Variants in OPRM1 observed in about 807,000 individuals in gnomAD.
OPRM1 encodes the protein mu-type opioid receptor.
OPRM1 carries 27 observed loss-of-function variants against 31.8 expected under a neutral mutation model. That is an observed-to-expected ratio of 0.85 (90% CI 0.63 to 1.17). The LOEUF (loss-of-function observed/expected upper bound fraction) is 1.17. Among genes scored for constraint, OPRM1 ranks in the 50% most tolerant of loss-of-function variants. The pLI, the probability that OPRM1 is intolerant of heterozygous loss-of-function variation, is 0.00. For missense variants in OPRM1, 536 were observed against 511.1 expected (o/e 1.05, Z -0.47); for synonymous variants, 196 against 189.9 (o/e 1.03, Z -0.26).
At chr6:154,179,254 G>A (rs1202534774) in intron 3 of OPRM1, among the ~76,000 whole-genome samples, 2 of 152,164 alleles carry the variant, frequency 1.3e-5, no homozygotes, top group Admixed American at 1.3e-4. Flanking sequence ...GCTATACTAA[G>A]ACTACAGCAG....
intron 1 of OPRM1, among the ~76,000 whole-genome samples, chr6:154,045,098 T>C (rs1018158647): frequency 6.6e-6 from 1 of 152,022 alleles, no homozygotes; most frequent in Non-Finnish European, 1.5e-5. Context: ...GGGTGGCGCA[T>C]GCTTGTAATC....
intron 1 of OPRM1, among the ~76,000 whole-genome samples, chr6:154,028,923 T>C (rs1440317534): frequency 6.6e-6 from 1 of 152,202 alleles, no homozygotes; most frequent in Non-Finnish European, 1.5e-5. Flanking sequence ...TAAAACCAAG[T>C]GCTGTGAGTG....
intron 3 of OPRM1, among the ~76,000 whole-genome samples, chr6:154,206,173 A>C (rs1338091074): frequency 6.6e-6 from 1 of 152,350 alleles, no homozygotes; most frequent in East Asian, 1.9e-4. Flanking sequence ...TATCCCATAA[A>C]GAATATTCTT....
rs1797198138 is a variant in OPRM1 at position 154,119,702 on chromosome 6, G to A, written c.*981G>A. Among the ~76,000 whole-genome samples, 1 of 152,118 alleles carries A rather than the reference G, an allele frequency of 6.6e-6. No homozygotes were observed. Among genetic ancestry groups the A allele is most frequent in the South Asian group, 2.1e-4 (1 of 4,830 alleles). Reference sequence around the variant, plus strand: ...GATGTTTTTGTTGATTGCCAGAACAGTTTAAACTTTTTTTAAACAATAAAT... The same window carrying A: ...GATGTTTTTGTTGATTGCCAGAACAATTTAAACTTTTTTTAAACAATAAAT... On this transcript the variant is annotated 3_prime_UTR_variant, in exon 4 of 4. Transcript: ENST00000330432.
At chr6:154,117,898 A>G (rs9397176) in intron 3 of OPRM1, among the ~76,000 whole-genome samples, 2 of 86,646 alleles carry the variant, frequency 2.3e-5, no homozygotes, top group Non-Finnish European at 5.3e-5. Flanking sequence ...TATGAGAGAG[A>G]AAAAAAGAGA....
At chr6:154,203,867 G>C (rs1777272060) in intron 3 of OPRM1, among the ~76,000 whole-genome samples, 1 of 152,194 alleles carries the variant, frequency 6.6e-6, no homozygotes. Flanking sequence ...CTCTGGGGGA[G>C]GAGCTCCCTG....
intron 1 of OPRM1, among the ~76,000 whole-genome samples, chr6:154,080,259 T>G (rs1788794191): frequency 1.3e-5 from 2 of 152,212 alleles, no homozygotes; most frequent in Admixed American, 6.5e-5. Context: ...GTGATTTCAC[T>G]TACAAACATA....
intron 3 of OPRM1, among the ~76,000 whole-genome samples, chr6:154,192,318 C>CCGTGTGTGTG (rs1554291318): frequency 6.8e-6 from 1 of 148,030 alleles, no homozygotes; most frequent in African/African-American, 2.5e-5. Flanking sequence ...CACGTGGTTA[C>CCGTGTGTGTG]TGTGTGTGTG....
intron 1 of OPRM1, among the ~76,000 whole-genome samples, chr6:154,084,737 AG>A (rs1790086505): frequency 6.6e-6 from 1 of 152,204 alleles, no homozygotes; most frequent in Non-Finnish European, 1.5e-5. Context: ...AACATATAAA[AG>A]GGGCTTGTTG....
chr6:154,163,385 T>C (rs1799179053), intron 3 of OPRM1, among the ~76,000 whole-genome samples: 2 of 152,212 alleles, frequency 1.3e-5, no homozygotes, highest in Admixed American at 1.3e-4. Flanking sequence ...CTTTTTCAGA[T>C]TTTACACAAA....
At position 154,127,409 on chromosome 6, in the gene OPRM1, AG is replaced by A. The variant is rs1562496065; in HGVS notation, c.*8693del. On this transcript the variant is annotated 3_prime_UTR_variant, in exon 4 of 4. Coordinates refer to ENST00000330432, the MANE Select transcript of OPRM1 (RefSeq NM_000914.5). ...CTACTCTTCAAGGGTTTAGGGGCTT[AG>A]GGGGAGGTTTTGTTTGGGTTTTTTG... Among the ~76,000 whole-genome samples, 1 of 152,158 alleles carries A rather than the reference AG, an allele frequency of 6.6e-6. No individual in the cohort carries two copies. Among genetic ancestry groups the A allele is most frequent in the African/African-American group, 2.4e-5 (1 of 41,432 alleles).
Position 154,179,806 on chromosome 6 carries a change from C to T in OPRM1, c.1165-66887C>T, listed in dbSNP as rs139984346. On this transcript the variant is annotated intron_variant, in intron 3 of 3. Transcript: ENST00000337049. The stretch of plus-strand genomic sequence containing the variant: ...TAAGAATAAAAGTTCACTTTCACAC[C>T]GTGCAGAATCATGCCCTTCTAGACC... Among the ~76,000 whole-genome samples the T allele has an allele frequency of 6.2e-4, 95 of 152,252 alleles. 2 individuals are homozygous for T. In the East Asian group the frequency reaches 0.011, roughly 18 times the overall value.
upstream of OPRM1, among the ~76,000 whole-genome samples, chr6:154,037,936 C>T (rs575291753): frequency 1.5e-4 from 23 of 152,176 alleles, no homozygotes; most frequent in East Asian, 4.0e-3. Flanking sequence ...CAGATTTCAG[C>T]TCAATATAAG....
rs1039517236 is a variant in OPRM1, at chr6:154,126,750, G to C, written c.*8029G>C. Among the ~76,000 whole-genome samples, 1 of 152,098 alleles carries C rather than the reference G, an allele frequency of 6.6e-6. No individual in the cohort carries two copies. Among genetic ancestry groups the C allele is most frequent in the African/African-American group, 2.4e-5 (1 of 41,408 alleles). ...GTACAGCCTTCAGTAATGCCTCAAA[G>C]GTTCTCCAAGCAGAGGTAAACATGT... On this transcript the variant is annotated 3_prime_UTR_variant, in exon 4 of 4. Transcript: ENST00000330432.
At position 154,039,426 on chromosome 6, in the gene OPRM1, G is replaced by T; in HGVS notation, c.-119G>T. The T allele has an allele frequency of 6.4e-7, 1 of 1,551,298 alleles. No individual in the cohort carries two copies. Among genetic ancestry groups the T allele is most frequent in the East Asian group, 2.4e-5 (1 of 40,904 alleles). The stretch of plus-strand genomic sequence containing the variant: ...TCTGTCTCAGCCAGGACTGGTTTCT[G>T]TAAGAAACAGCAGGAGCTGTGGCAG... On this transcript the variant is annotated 5_prime_UTR_variant, in exon 1 of 4. Transcript: ENST00000330432.
At chr6:154,084,605 T>G (rs907110919) in intron 1 of OPRM1, among the ~76,000 whole-genome samples, 3 of 152,194 alleles carry the variant, frequency 2.0e-5, no homozygotes. Flanking sequence ...ATATGAGTAT[T>G]AAAGTATGAC....
chr6:154,062,684 T>A (rs1379462143), intron 1 of OPRM1, among the ~76,000 whole-genome samples: 1 of 152,088 alleles, frequency 6.6e-6, no homozygotes, highest in Non-Finnish European at 1.5e-5. Context: ...CATAAGTACC[T>A]AATTTTATAT....
chr6:154,183,968 G>T (rs1031295325), intron 3 of OPRM1, among the ~76,000 whole-genome samples: 11 of 134,018 alleles, frequency 8.2e-5, no homozygotes, highest in African/African-American at 2.9e-4. Flanking sequence ...TTGTTTTGTG[G>T]TCAGAACATT....
At chr6:154,145,400 T>C (rs1480824641) in intron 3 of OPRM1, among the ~76,000 whole-genome samples, 1 of 152,236 alleles carries the variant, frequency 6.6e-6, no homozygotes, top group East Asian at 1.9e-4. Context: ...AAATATACAA[T>C]GCCATTTACA....
Sources: gnomAD v4.1 joint callset for allele counts (sites outside exome capture counted in the v4.1 genomes callset) on GRCh38, gnomAD v4.1.1 for gene constraint, MANE v1.5 for transcripts, NCBI Gene and HGNC (gene_info 2026-07-23, HGNC 2026-07-21) for gene names.